Variants in SCAPER observed in about 807,000 individuals in gnomAD.
SCAPER encodes the protein S-phase cyclin A associated protein in the ER, also known as S phase cyclin A-associated protein in the endoplasmic reticulum.
Under a neutral mutation model 182.2 loss-of-function variants are expected in SCAPER, and 98 were observed. That is an observed-to-expected ratio of 0.54 (90% CI 0.46 to 0.64). The LOEUF is 0.64. Among genes scored for constraint, SCAPER ranks in the 30% least tolerant of loss-of-function variants. The pLI, the probability that SCAPER is intolerant of heterozygous loss-of-function variation, is 0.00. For synonymous variants in SCAPER, 605 were observed against 564.6 expected, an observed-to-expected ratio of 1.07 and a Z score of -1.01; for missense variants, 1,432 against 1,690.0, an observed-to-expected ratio of 0.85 and a Z score of 2.68.
intron 20 of SCAPER, among the ~76,000 whole-genome samples, chr15:76,680,178 G>C (rs2146980015): frequency 6.6e-6 from 1 of 152,144 alleles, no homozygotes; most frequent in Admixed American, 6.5e-5. Flanking sequence ...AGGTGACAAG[G>C]GCTTGAGGGT....
At chr15:76,466,629 C>T (rs181282777) in intron 25 of SCAPER, among the ~76,000 whole-genome samples, 136 of 151,328 alleles carry the variant, frequency 9.0e-4, no homozygotes, top group East Asian at 9.8e-4. Context: ...GTTTCTTCTA[C>T]GTCTCGAAAG....
intron 22 of SCAPER, among the ~76,000 whole-genome samples, chr15:76,590,349 A>AT (rs892500964): frequency 6.6e-6 from 1 of 152,186 alleles, no homozygotes; most frequent in Non-Finnish European, 1.5e-5. Flanking sequence ...TGGAAAATGT[A>AT]TTTTTTTCAA....
chr15:76,794,300 T>C (rs191712862), intron 8 of SCAPER, among the ~76,000 whole-genome samples: 1 of 152,348 alleles, frequency 6.6e-6, no homozygotes, highest in East Asian at 1.9e-4. Context: ...ATTAATACCA[T>C]GATTCCTTTA....
intron 24 of SCAPER, among the ~76,000 whole-genome samples, chr15:76,486,512 A>AT: frequency 8.9e-6 from 1 of 112,304 alleles, no homozygotes; most frequent in Non-Finnish European, 2.1e-5. Flanking sequence ...TCAATTTATA[A>AT]TAAAAAAAAA....
chr15:76,765,634 C>A lies in SCAPER; in HGVS notation c.1424G>T (p.Ser475Ile), dbSNP rs1304659738. 2 of 1,574,850 alleles carry A rather than the reference C, an allele frequency of 1.3e-6. No homozygotes were observed. Among genetic ancestry groups the A allele is most frequent in the South Asian group, 2.3e-5 (2 of 85,918 alleles). ...GAAAGAAACACTCCCACTGCCCATG[C>A]TGGCCTAAAATGTAATAAGGGAAGT... ...ETDNDSDFSA[S>I]MGSGSVSFCG... Residue 475 changes from serine (S) to isoleucine (I), a missense_variant, in exon 12 of 32, where the codon AGC becomes ATC. By Grantham distance (142) the Ser-to-Ile change is moderately radical. Transcript: ENST00000563290.
intron 27 of SCAPER, among the ~76,000 whole-genome samples, chr15:76,383,069 GGTTA>G (rs768447557): frequency 4.4e-4 from 65 of 149,114 alleles, no homozygotes; most frequent in Non-Finnish European, 8.0e-4. Flanking sequence ...TAAAAATCTG[GGTTA>G]GTGTGTGTAT....
intron 17 of SCAPER, among the ~76,000 whole-genome samples, chr15:76,708,106 T>C (rs772480527): frequency 2.0e-5 from 3 of 152,170 alleles, no homozygotes; most frequent in Non-Finnish European, 2.9e-5. Flanking sequence ...TCAAATCCCT[T>C]ATAAAAAAAT....
At chr15:76,500,946 G>A (rs1399186607) in intron 24 of SCAPER, among the ~76,000 whole-genome samples, 1 of 151,782 alleles carries the variant, frequency 6.6e-6, no homozygotes, top group Non-Finnish European at 1.5e-5. Context: ...GGGAGGCTGA[G>A]GCACGTGAAT....
At chr15:76,485,826 A>C (rs139806922) in intron 24 of SCAPER, among the ~76,000 whole-genome samples, 215 of 152,348 alleles carry the variant, frequency 1.4e-3, no homozygotes, top group African/African-American at 4.8e-3. Context: ...ATAACTGGCT[A>C]GCCATATGCA....
intron 29 of SCAPER, among the ~76,000 whole-genome samples, chr15:76,367,387 A>G (rs1279267743): frequency 6.6e-6 from 1 of 152,020 alleles, no homozygotes; most frequent in Non-Finnish European, 1.5e-5. Context: ...TATTACAAAC[A>G]CCCCCTCCAT....
intron 17 of SCAPER, among the ~76,000 whole-genome samples, chr15:76,720,986 A>C (rs2060204202): frequency 6.6e-6 from 1 of 152,190 alleles, no homozygotes; most frequent in African/African-American, 2.4e-5. Flanking sequence ...TGTTTTAGAC[A>C]TGAAGTCCTT....
chr15:76,712,837 G>A (rs2059665157), intron 17 of SCAPER, among the ~76,000 whole-genome samples: 1 of 151,796 alleles, frequency 6.6e-6, no homozygotes, highest in Admixed American at 6.6e-5. Flanking sequence ...GGAGATTTTG[G>A]GCTGAGACGA....
At position 76,595,990 on chromosome 15, in the gene SCAPER, A is replaced by C. The variant is rs543656388; in HGVS notation, c.2712-21706T>G. Reference sequence around the variant, plus strand: ...AACTGAAGGAGATACAGACACGAAAAACCCTTCAAAAAATCAGTGAATCCA... The same window carrying C: ...AACTGAAGGAGATACAGACACGAAACACCCTTCAAAAAATCAGTGAATCCA... On this transcript the variant is annotated intron_variant, in intron 22 of 31. Coordinates refer to ENST00000563290, the MANE Select transcript of SCAPER (RefSeq NM_020843.4). Among the ~76,000 whole-genome samples, 6 of 121,282 alleles carry C rather than the reference A, an allele frequency of 4.9e-5. 1 individual carries two copies. In the Admixed American group the frequency reaches 5.6e-4, roughly 11 times the overall value. The allele number at this position is 121,282 out of a possible 152,430, so 79.6% of individuals were successfully genotyped here.
At chr15:76,826,117 T>A (rs1430481796) in intron 5 of SCAPER, among the ~76,000 whole-genome samples, 1 of 151,942 alleles carries the variant, frequency 6.6e-6, no homozygotes, top group Non-Finnish European at 1.5e-5. Flanking sequence ...GTTAAAAAAA[T>A]TTTCAATTAA....
At chr15:76,468,827 A>C in intron 25 of SCAPER, among the ~76,000 whole-genome samples, 1 of 152,114 alleles carries the variant, frequency 6.6e-6, no homozygotes, top group South Asian at 2.1e-4. Flanking sequence ...TTTGGTCATA[A>C]GGATGGAATC....
At chr15:76,356,108 C>T (rs930679474) in intron 29 of SCAPER, among the ~76,000 whole-genome samples, 3 of 152,200 alleles carry the variant, frequency 2.0e-5, no homozygotes, top group African/African-American at 7.2e-5. Flanking sequence ...CTAGTCTATG[C>T]TGTCTTTCCA....
intron 15 of SCAPER, among the ~76,000 whole-genome samples, chr15:76,742,969 G>A (rs769377279): frequency 6.6e-6 from 1 of 152,016 alleles, no homozygotes; most frequent in African/African-American, 2.4e-5. Flanking sequence ...ATTTTACTAA[G>A]TGCTTTTGTT....
At chr15:76,513,279 T>C (rs1030612590) in intron 23 of SCAPER, among the ~76,000 whole-genome samples, 4 of 152,162 alleles carry the variant, frequency 2.6e-5, no homozygotes, top group African/African-American at 4.8e-5. Context: ...TGAGATATGA[T>C]AGATTAACAC....
intron 4 of SCAPER, among the ~76,000 whole-genome samples, chr15:76,850,500 T>C (rs566400443): frequency 4.6e-5 from 7 of 152,130 alleles, no homozygotes; most frequent in Admixed American, 2.0e-4. Flanking sequence ...GACCAGAGTG[T>C]CACATGTCTT....
Sources: gnomAD v4.1 joint callset for allele counts (sites outside exome capture counted in the v4.1 genomes callset) on GRCh38, gnomAD v4.1.1 for gene constraint, MANE v1.5 for transcripts, NCBI Gene and HGNC (gene_info 2026-07-23, HGNC 2026-07-21) for gene names.